Variants in PCCA observed in about 807,000 individuals in gnomAD.
The protein encoded by PCCA is propionyl-CoA carboxylase alpha chain, mitochondrial.
PCCA carries 74 observed loss-of-function variants against 101.3 expected under a neutral mutation model. The observed-to-expected ratio is 0.73, with a 90% CI of 0.61 to 0.89. The LOEUF is 0.89. Among genes scored for constraint, PCCA ranks in the 40% least tolerant of loss-of-function variants. The pLI is 0.00. For synonymous variants in PCCA, 294 were observed against 313.6 expected, an observed-to-expected ratio of 0.94 and a Z score of 0.66; for missense variants, 891 against 907.0, an observed-to-expected ratio of 0.98 and a Z score of 0.23.
chr13:100,175,891 CT>C, intron 6 of PCCA, among the ~76,000 whole-genome samples: 1 of 152,250 alleles, frequency 6.6e-6, no homozygotes, highest in East Asian at 1.9e-4. Context: ...TCTCCAAATT[CT>C]TTTTTCATGG....
intron 12 of PCCA, among the ~76,000 whole-genome samples, chr13:100,291,898 G>C (rs2065154518): frequency 6.6e-6 from 1 of 152,136 alleles, no homozygotes; most frequent in African/African-American, 2.4e-5. Context: ...TTCTTCCCTA[G>C]AGTTCTCTGA....
intron 19 of PCCA, among the ~76,000 whole-genome samples, chr13:100,413,583 A>G (rs1293185075): frequency 2.6e-5 from 4 of 152,152 alleles, no homozygotes; most frequent in African/African-American, 7.2e-5. Flanking sequence ...ACTAAGTTGA[A>G]CTACCACCAA....
At chr13:100,157,807 A>G (rs1465129755) in intron 6 of PCCA, among the ~76,000 whole-genome samples, 1 of 152,298 alleles carries the variant, frequency 6.6e-6, no homozygotes, top group Admixed American at 6.5e-5. Context: ...TTTTCCAGGT[A>G]TATTTATAAC....
chr13:100,448,183 TTTTTTGTTTTTG>T (rs1183045468), intron 20 of PCCA, among the ~76,000 whole-genome samples: 1 of 152,068 alleles, frequency 6.6e-6, no homozygotes, highest in Non-Finnish European at 1.5e-5. Flanking sequence ...AGAGCAAGTT[TTTTTTGTTTTTG>T]TTTTTGTTTT....
intron 19 of PCCA, among the ~76,000 whole-genome samples, chr13:100,405,462 T>C (rs2077616157): frequency 1.3e-5 from 2 of 152,194 alleles, no homozygotes; most frequent in Non-Finnish European, 2.9e-5. Context: ...GAACATAATT[T>C]CTCTCCAGTC....
chr13:100,094,158 G>A (rs1288483351), intron 1 of PCCA, among the ~76,000 whole-genome samples: 1 of 151,224 alleles, frequency 6.6e-6, no homozygotes, highest in African/African-American at 2.4e-5. Context: ...AACCCAGGAG[G>A]TGGAGGTTGC....
At chr13:100,342,430 A>AT (rs959353482) in intron 18 of PCCA, among the ~76,000 whole-genome samples, 13 of 150,912 alleles carry the variant, frequency 8.6e-5, no homozygotes, top group Admixed American at 2.0e-4. Context: ...CATCTGGCTA[A>AT]TTTTTTTTTG....
rs140274357 is a variant in PCCA at position 100,165,383 on chromosome 13, T to C, written c.468+8043T>C. On this transcript the variant is annotated intron_variant, in intron 6 of 23. Transcript: ENST00000376285. ...CATTGGATATTTGTAATGTCCGCTT[T>C]ACATAAGTTTAAGAGGTTTAATTTG... Among the ~76,000 whole-genome samples the C allele has an allele frequency of 2.2e-4, 34 of 152,348 alleles. 1 individual carries two copies. The highest frequency in any genetic ancestry group is 7.9e-4 in the African/African-American group (33 of 41,586).
At chr13:100,142,176 G>A (rs2152346532) in intron 4 of PCCA, among the ~76,000 whole-genome samples, 1 of 151,884 alleles carries the variant, frequency 6.6e-6, no homozygotes, top group Non-Finnish European at 1.5e-5. Context: ...CTGTCCAGAT[G>A]TTTCTTTTTA....
chr13:100,474,303 G>A (rs947641022), intron 21 of PCCA, among the ~76,000 whole-genome samples: 3 of 152,142 alleles, frequency 2.0e-5, no homozygotes, highest in Non-Finnish European at 4.4e-5. Flanking sequence ...TTATGTATCC[G>A]AAAGTTATTT....
intron 9 of PCCA, among the ~76,000 whole-genome samples, chr13:100,261,443 G>A (rs886588093): frequency 2.0e-5 from 3 of 150,944 alleles, no homozygotes; most frequent in Admixed American, 6.6e-5. Context: ...TCTGCCCACC[G>A]TAGCCTCTGC....
At chr13:100,463,760 A>G (rs931959283) in intron 21 of PCCA, among the ~76,000 whole-genome samples, 1 of 152,218 alleles carries the variant, frequency 6.6e-6, no homozygotes, top group Non-Finnish European at 1.5e-5. Flanking sequence ...ATGGAGCTCC[A>G]GGAAATGCCC....
At chr13:100,111,557 A>AT (rs2048325950) in intron 2 of PCCA, among the ~76,000 whole-genome samples, 1 of 152,222 alleles carries the variant, frequency 6.6e-6, no homozygotes, top group South Asian at 2.1e-4. Flanking sequence ...TTAACCTACT[A>AT]TGCTTTAACA....
At chr13:100,154,908 G>T (rs973085187) in intron 4 of PCCA, 71 bp from the exon 5 acceptor site, 6 of 990,268 alleles carry the variant, frequency 6.1e-6, no homozygotes, top group Middle Eastern at 4.1e-4. Flanking sequence ...TTGCAATTTT[G>T]TGTGTATTTG....
chr13:100,130,884 G>A (rs574062224), intron 4 of PCCA, among the ~76,000 whole-genome samples: 5 of 152,204 alleles, frequency 3.3e-5, no homozygotes, highest in Admixed American at 2.0e-4. Context: ...ATTTGTGAAG[G>A]TTTCGTGTAA....
intron 4 of PCCA, among the ~76,000 whole-genome samples, chr13:100,126,090 C>T (rs1281847968): frequency 6.6e-6 from 1 of 152,120 alleles, no homozygotes; most frequent in East Asian, 1.9e-4. Flanking sequence ...GGCTCCCATG[C>T]TGATTCATTA....
At chr13:100,275,512 C>G (rs1400321468) in intron 12 of PCCA, among the ~76,000 whole-genome samples, 1 of 152,152 alleles carries the variant, frequency 6.6e-6, no homozygotes, top group Non-Finnish European at 1.5e-5. Flanking sequence ...GAAGACAGTT[C>G]ACGTGTGCCT....
chr13:100,172,495 T>G (rs1185238701), intron 6 of PCCA, among the ~76,000 whole-genome samples: 7 of 152,228 alleles, frequency 4.6e-5, no homozygotes. Context: ...ATTTTTATGC[T>G]TTGTAGCTTT....
At chr13:100,484,773 T>C (rs567863538) in intron 21 of PCCA, among the ~76,000 whole-genome samples, 1 of 152,338 alleles carries the variant, frequency 6.6e-6, no homozygotes, top group African/African-American at 2.4e-5. Flanking sequence ...ATTTAGGGTC[T>C]GGGTGGAGCC....
Sources: allele counts gnomAD v4.1 joint callset (sites outside exome capture counted in the v4.1 genomes callset), GRCh38; gene constraint gnomAD v4.1.1; transcripts MANE v1.5; gene names NCBI Gene and HGNC (gene_info 2026-07-23, HGNC 2026-07-21).